Variants in STOX2 observed in about 807,000 individuals in gnomAD.
STOX2 encodes the protein storkhead-box protein 2.
Under a neutral mutation model 60.9 loss-of-function variants are expected in STOX2, and 28 were observed. The observed-to-expected ratio is 0.46, with a 90% CI of 0.34 to 0.63. The LOEUF is 0.63. Ranked by LOEUF, STOX2 falls within the 30% of genes least tolerant of loss-of-function variation. The pLI is 0.01. For synonymous variants in STOX2, 472 were observed against 463.9 expected, an observed-to-expected ratio of 1.02 and a Z score of -0.22; for missense variants, 1,024 against 1,187.7, an observed-to-expected ratio of 0.86 and a Z score of 2.03.
rs182551839 is a variant in STOX2, at chr4:183,863,009, T to C, written c.364+64954T>C. On this transcript the variant is annotated intron_variant, in intron 1 of 2. Transcript: ENST00000513034. The stretch of plus-strand genomic sequence containing the variant: ...GGGAGCCCACCAATCTCACTGGGGA[T>C]GTTTAGGTTGCTCATGTCATCGTAG... Among the ~76,000 whole-genome samples, 21 of 152,256 alleles carry C rather than the reference T, an allele frequency of 1.4e-4. No individual in the cohort carries two copies. In the East Asian group the frequency reaches 4.1e-3, roughly 29 times the overall value.
intron 1 of STOX2, chr4:183,798,071 G>A: frequency 8.2e-7 from 1 of 1,226,694 alleles, no homozygotes; most frequent in Non-Finnish European, 1.0e-6. Flanking sequence ...TGCGACCGCC[G>A]CGCGCCCGTC....
chr4:183,845,006 A>G (rs527341752), intron 1 of STOX2, among the ~76,000 whole-genome samples: 1 of 152,274 alleles, frequency 6.6e-6, no homozygotes, highest in Non-Finnish European at 1.5e-5. Flanking sequence ...CATAGAAAAC[A>G]TAATAGTCTC....
chr4:183,990,348 T>C (rs1733049264), intron 1 of STOX2, among the ~76,000 whole-genome samples: 1 of 152,212 alleles, frequency 6.6e-6, no homozygotes, highest in African/African-American at 2.4e-5. Context: ...TTCATGTGTT[T>C]TCTTGCTATA....
intron 1 of STOX2, among the ~76,000 whole-genome samples, chr4:183,889,724 G>C (rs1407748620): frequency 6.6e-6 from 1 of 152,198 alleles, no homozygotes; most frequent in Non-Finnish European, 1.5e-5. Flanking sequence ...GGGCACGGCA[G>C]GCCTGAGTCT....
At chr4:183,798,130 C>T in intron 1 of STOX2, 1 of 1,201,424 alleles carries the variant, frequency 8.3e-7, no homozygotes, top group Non-Finnish European at 1.0e-6. Flanking sequence ...CGCGGGTGCC[C>T]CGCCCTGCCC....
chr4:183,813,197 A>G (rs1739076500), intron 1 of STOX2, among the ~76,000 whole-genome samples: 1 of 152,168 alleles, frequency 6.6e-6, no homozygotes, highest in African/African-American at 2.4e-5. Context: ...CAGTGTGTCC[A>G]CATGGTGAAA....
In STOX2 at chr4:184,017,591, T is replaced by C. The variant is rs371927714; in HGVS notation, c.*307T>C. On this transcript the variant is annotated 3_prime_UTR_variant, in exon 4 of 4. Transcript: ENST00000308497. ...CTGTAAGTGTAATACGCATTTTCAA[T>C]GTCATGCAGTTGCCAATTCCATTTT... 37 of 200,484 alleles carry C rather than the reference T, an allele frequency of 1.8e-4. No homozygotes were observed. The highest frequency in any genetic ancestry group is 1.4e-3 in the East Asian group (12 of 8,470). 12.4% of individuals were successfully genotyped at this position (200,484 alleles called of 1,614,324 possible).
At chr4:183,981,025 A>G (rs1372989862) in intron 1 of STOX2, among the ~76,000 whole-genome samples, 1 of 152,230 alleles carries the variant, frequency 6.6e-6, no homozygotes, top group Non-Finnish European at 1.5e-5. Context: ...AGCAACAGAA[A>G]TACTGATGAT....
chr4:183,826,115 G>A (rs973240193), intron 1 of STOX2, among the ~76,000 whole-genome samples: 6 of 152,164 alleles, frequency 3.9e-5, no homozygotes, highest in African/African-American at 1.2e-4. Flanking sequence ...CAGACCAGGA[G>A]TGGGGCTGGG....
chr4:183,850,653 C>A (rs1384645974), intron 1 of STOX2, among the ~76,000 whole-genome samples: 1 of 151,952 alleles, frequency 6.6e-6, no homozygotes, highest in South Asian at 2.1e-4. Flanking sequence ...TGCTTGAACC[C>A]AGGAGGTGGA....
At chr4:183,947,652 C>G (rs1742935797) in intron 1 of STOX2, among the ~76,000 whole-genome samples, 2 of 152,144 alleles carry the variant, frequency 1.3e-5, no homozygotes, top group African/African-American at 4.8e-5. Flanking sequence ...AATGTTCACT[C>G]TGTGTTTTGT....
At chr4:183,808,357 C>G (rs574559316) in intron 1 of STOX2, among the ~76,000 whole-genome samples, 4 of 152,148 alleles carry the variant, frequency 2.6e-5, no homozygotes, top group African/African-American at 9.7e-5. Context: ...CTGGGTTGGT[C>G]GTGATAGGCT....
intron 1 of STOX2, among the ~76,000 whole-genome samples, chr4:183,920,734 C>T (rs1416481121): frequency 1.3e-5 from 2 of 152,144 alleles, no homozygotes; most frequent in Non-Finnish European, 1.5e-5. Context: ...CTTTTTAGCA[C>T]CTTAGAGTGG....
At chr4:183,831,130 G>C (rs1178745994) in intron 1 of STOX2, among the ~76,000 whole-genome samples, 1 of 151,998 alleles carries the variant, frequency 6.6e-6, no homozygotes, top group African/African-American at 2.4e-5. Context: ...GGAGGCGTGA[G>C]GGGGGATGGT....
intron 1 of STOX2, among the ~76,000 whole-genome samples, chr4:183,914,106 A>G (rs1041203933): frequency 6.6e-6 from 1 of 152,352 alleles, no homozygotes; most frequent in South Asian, 2.1e-4. Context: ...CACACCATGT[A>G]GTGGAAAACC....
At chr4:183,798,546 G>T in intron 1 of STOX2, 1 of 891,266 alleles carries the variant, frequency 1.1e-6, no homozygotes, top group African/African-American at 1.8e-5. Context: ...GACTGCGGGG[G>T]ACGCGCCGGG....
intron 1 of STOX2, among the ~76,000 whole-genome samples, chr4:183,953,572 C>A (rs1743156532): frequency 1.0e-5 from 1 of 96,552 alleles, no homozygotes; most frequent in Non-Finnish European, 2.1e-5. Flanking sequence ...ATTATTATCC[C>A]TGATTTTTTT....
intron 1 of STOX2, among the ~76,000 whole-genome samples, chr4:183,910,503 C>T (rs189702280): frequency 2.6e-5 from 4 of 152,284 alleles, no homozygotes; most frequent in African/African-American, 7.2e-5. Flanking sequence ...TTCCTTCCCT[C>T]TCCCCTCCCC....
chr4:183,999,394 A>G (rs569134492), intron 1 of STOX2, among the ~76,000 whole-genome samples: 101 of 152,240 alleles, frequency 6.6e-4, no homozygotes, highest in African/African-American at 2.4e-3. Flanking sequence ...GGCCCCAGAC[A>G]TTTGTGGCTT....
Sources: allele counts gnomAD v4.1 joint callset (sites outside exome capture counted in the v4.1 genomes callset), GRCh38; gene constraint gnomAD v4.1.1; transcripts MANE v1.5; gene names NCBI Gene and HGNC (gene_info 2026-07-23, HGNC 2026-07-21).